CTC1: variants seen among roughly 807,000 people sequenced by gnomAD.
The protein encoded by CTC1 is CST complex subunit CTC1.
A neutral mutation model predicts 136.3 loss-of-function variants in CTC1; 91 were observed. The observed-to-expected ratio is 0.67, with a 90% CI of 0.56 to 0.79. CTC1 has a LOEUF of 0.79. Ranked by LOEUF, CTC1 falls within the 30% of genes least tolerant of loss-of-function variation. CTC1 has a pLI of 0.00. For synonymous variants in CTC1, 606 were observed against 613.8 expected, an observed-to-expected ratio of 0.99 and a Z score of 0.19; for missense variants, 1,432 against 1,498.1, an observed-to-expected ratio of 0.96 and a Z score of 0.73.
Position 8,238,170 on chromosome 17 carries a change from T to C in CTC1, c.508A>G (p.Arg170Gly). The change falls in exon 4 of 23, where the codon AGG (arginine) becomes GGG (glycine). Residue 170 changes from arginine (R) to glycine (G), a missense_variant. Arg to Gly is a moderately radical substitution (Grantham distance 125). Transcript: ENST00000651323. ...TGCCCTTCCCCTGAGGAATTCCACCTGGCAGGAGGGAGGTAACTCCAACGG... is the reference window on the plus strand; with the variant it reads ...TGCCCTTCCCCTGAGGAATTCCACCCGGCAGGAGGGAGGTAACTCCAACGG... ...FPRWSYLPPA[R>G]WNSSGEGHLE... 1 of 1,614,012 alleles carries C rather than the reference T, an allele frequency of 6.2e-7. No homozygotes were observed. The highest frequency in any genetic ancestry group is 1.1e-5 in the South Asian group (1 of 91,082).
In CTC1 at chr17:8,226,096, C is replaced by A. The variant is rs1986610391; in HGVS notation, c.*2084G>T. On this transcript the variant is annotated 3_prime_UTR_variant, in exon 23 of 23. Coordinates refer to ENST00000651323, the MANE Select transcript of CTC1 (RefSeq NM_025099.6). ...GAACCACCTTTTAGAGTGGCGATCT[C>A]ATGGGAGTGGCAGCTTGACTCTGCA... 6.6e-6 allele frequency: 1 copy of A among 152,170 alleles called. No individual in the cohort carries two copies. Among genetic ancestry groups the A allele is most frequent in the Admixed American group, 6.6e-5 (1 of 15,266 alleles). The allele number at this position is 152,170 out of a possible 1,614,324, so 9.4% of individuals were successfully genotyped here.
intron 7 of CTC1, 132 bp downstream of exon 7, chr17:8,235,699 G>A: frequency 6.2e-6 from 6 of 974,224 alleles, no homozygotes; most frequent in Non-Finnish European, 5.9e-6. Flanking sequence ...GTTATCCTTA[G>A]CAAAAGTGCC....
rs905017468 is a variant in CTC1, at chr17:8,227,903, T to C, written c.*277A>G. 5.7e-6 allele frequency: 2 copies of C among 352,526 alleles called. No individual in the cohort carries two copies. Among genetic ancestry groups the C allele is most frequent in the South Asian group, 4.0e-5 (1 of 24,808 alleles). 21.8% of individuals were successfully genotyped at this position (352,526 alleles called of 1,614,324 possible). Reference sequence around the variant, plus strand: ...GCAAGTCTTTTGTTCCCTCAGCTCCTGCGACAAAGTCAGAACCCAGGTGCT... The same window carrying C: ...GCAAGTCTTTTGTTCCCTCAGCTCCCGCGACAAAGTCAGAACCCAGGTGCT... On this transcript the variant is annotated 3_prime_UTR_variant, in exon 23 of 23. Coordinates refer to ENST00000651323, the MANE Select transcript of CTC1 (RefSeq NM_025099.6).
chr17:8,247,904 G>C, intron 1 of CTC1, 100 bp downstream of exon 1: 1 of 1,291,616 alleles, frequency 7.7e-7, no homozygotes. Flanking sequence ...GCCGGACGCG[G>C]CCAGCGAGCC....
intron 4 of CTC1, 106 bp downstream of exon 4, chr17:8,237,924 AT>A: frequency 2.3e-6 from 2 of 871,606 alleles, no homozygotes; most frequent in South Asian, 3.5e-5. Flanking sequence ...GATTTGGAAC[AT>A]TCAGTCTATA....
intron 2 of CTC1, among the ~76,000 whole-genome samples, chr17:8,241,334 G>GC (rs1988198911): frequency 6.6e-6 from 1 of 150,782 alleles, no homozygotes; most frequent in African/African-American, 2.4e-5. Context: ...CAAAAAGCAG[G>GC]CAGGGGCTGG....
At chr17:8,242,747 T>C (rs1360751555) in intron 2 of CTC1, among the ~76,000 whole-genome samples, 1 of 151,808 alleles carries the variant, frequency 6.6e-6, no homozygotes. Context: ...TTTCCAAATT[T>C]TCTTTCTCTC....
chr17:8,237,890 A>G (rs1314019471), intron 4 of CTC1, 141 bp downstream of exon 4: 1 of 692,358 alleles, frequency 1.4e-6, no homozygotes, highest in Non-Finnish European at 2.4e-6. Flanking sequence ...TACCTTCTTA[A>G]TATTCAAAGC....
chr17:8,231,178 T>G, intron 15 of CTC1, 98 bp downstream of exon 15: 1 of 965,362 alleles, frequency 1.0e-6, no homozygotes, highest in Non-Finnish European at 1.5e-6. Context: ...ACAAAAGAAA[T>G]ACCTCCTGCA....
Position 8,230,472 on chromosome 17 carries a change from T to A in CTC1, c.2759-4A>T, listed in dbSNP as rs374727205. The A allele has an allele frequency of 6.2e-7, 1 of 1,613,808 alleles. No individual in the cohort carries two copies. The highest frequency in any genetic ancestry group is 8.5e-7 in the Non-Finnish European group (1 of 1,179,818). ...CTTCTCATGGCCCCCGTGTTCCCTATAGAAGGAAGGTGGGTGTTAGTAGGA... is the reference window on the plus strand; with the variant it reads ...CTTCTCATGGCCCCCGTGTTCCCTAAAGAAGGAAGGTGGGTGTTAGTAGGA... On this transcript the variant is annotated splice_polypyrimidine_tract_variant and splice_region_variant and intron_variant, in intron 16 of 22. Coordinates refer to ENST00000651323, the MANE Select transcript of CTC1 (RefSeq NM_025099.6).
intron 10 of CTC1, among the ~76,000 whole-genome samples, chr17:8,233,676 G>A (rs1013611797): frequency 2.6e-5 from 4 of 152,180 alleles, no homozygotes; most frequent in African/African-American, 7.2e-5. Flanking sequence ...GGCTGAGGTG[G>A]GAGGACTGCT....
At chr17:8,246,559 G>A (rs1400656612) in intron 1 of CTC1, among the ~76,000 whole-genome samples, 1 of 151,992 alleles carries the variant, frequency 6.6e-6, no homozygotes, top group Non-Finnish European at 1.5e-5. Context: ...CTGAAACCTA[G>A]ATGTCCTCCT....
intron 1 of CTC1, among the ~76,000 whole-genome samples, chr17:8,245,744 G>C (rs1458144902): frequency 6.6e-6 from 1 of 151,988 alleles, no homozygotes; most frequent in Non-Finnish European, 1.5e-5. Flanking sequence ...TACTAGTCTG[G>C]GCAACAAGGC....
intron 2 of CTC1, among the ~76,000 whole-genome samples, chr17:8,242,046 T>A (rs961175293): frequency 2.6e-5 from 4 of 151,828 alleles, no homozygotes; most frequent in South Asian, 4.2e-4. Flanking sequence ...TATTTTTTTT[T>A]AAATATGGAG....
chr17:8,229,024 G>T, intron 20 of CTC1, 118 bp downstream of exon 20: 1 of 1,464,994 alleles, frequency 6.8e-7, no homozygotes, highest in South Asian at 1.2e-5. Flanking sequence ...TCATTCATTC[G>T]TTCAAAAAAT....
In CTC1 at chr17:8,235,299, G is replaced by A. The variant is rs758471375; in HGVS notation, c.1207-14C>T. The A allele has an allele frequency of 1.3e-6, 2 of 1,599,080 alleles. No individual in the cohort carries two copies. The highest frequency in any genetic ancestry group is 3.4e-5 in the Admixed American group (2 of 59,482). On this transcript the variant is annotated splice_polypyrimidine_tract_variant and intron_variant, in intron 7 of 22. Coordinates refer to ENST00000651323, the MANE Select transcript of CTC1 (RefSeq NM_025099.6). ...AACATCCTGGAGCTGGGGGAAAGCA[G>A]AGAAAATGAAAAAGCAGAGATGAAG...
intron 13 of CTC1, 42 bp downstream of exon 13, chr17:8,231,861 A>G (rs1987258847): frequency 1.9e-6 from 3 of 1,613,346 alleles, no homozygotes. Flanking sequence ...CCAGAGGCTC[A>G]GGGCGCAGGT....
chr17:8,228,583 A>C lies in CTC1; in HGVS notation c.3434T>G (p.Leu1145Arg), dbSNP rs774108596. The C allele has an allele frequency of 8.7e-6, 14 of 1,614,076 alleles. No homozygotes were observed. The highest frequency in any genetic ancestry group is 1.2e-5 in the Non-Finnish European group (14 of 1,180,032). ...ACGGAGGACAGAGGGGCTAGTACAA[A>C]GTGTCCAGAGGAACATGGTCATGGG... ...DEPMTMFLWT[L>R]CTSPSVLRPI... Residue 1145 changes from leucine (L) to arginine (R), a missense_variant, in exon 22 of 23, where the codon CTT (leucine) becomes CGT (arginine). Physicochemically the swap from Leu to Arg is moderately radical, Grantham distance 102. Coordinates refer to ENST00000651323, the MANE Select transcript of CTC1 (RefSeq NM_025099.6).
At chr17:8,247,813 C>G in intron 1 of CTC1, 191 bp downstream of exon 1, 1 of 616,358 alleles carries the variant, frequency 1.6e-6, no homozygotes, top group Non-Finnish European at 3.0e-6. Flanking sequence ...TCACAGCGGG[C>G]GCCGCGTGAA....
Sources: gnomAD v4.1 joint callset for allele counts (sites outside exome capture counted in the v4.1 genomes callset) on GRCh38, gnomAD v4.1.1 for gene constraint, MANE v1.5 for transcripts, NCBI Gene and HGNC (gene_info 2026-07-23, HGNC 2026-07-21) for gene names.